Variants in PKHD1L1 observed in about 807,000 individuals in gnomAD.
PKHD1L1 encodes the protein PKHD1 like 1.
PKHD1L1 carries 434 observed loss-of-function variants against 462.9 expected under a neutral mutation model. That is an observed-to-expected ratio of 0.94 (90% confidence interval 0.87 to 1.02). The LOEUF (loss-of-function observed/expected upper bound fraction) is 1.02. Ranked by LOEUF, PKHD1L1 falls within the 50% of genes least tolerant of loss-of-function variation. The pLI is 0.00. For missense variants in PKHD1L1, 5,202 were observed against 5,096.1 expected, an observed-to-expected ratio of 1.02 and a Z score of -0.63; for synonymous variants, 1,781 against 1,750.0, an observed-to-expected ratio of 1.02 and a Z score of -0.44.
At chr8:109,438,859 G>C in intron 31 of PKHD1L1, 38 bp from the exon 32 acceptor site, 2 of 1,437,644 alleles carry the variant, frequency 1.4e-6, no homozygotes, top group South Asian at 1.3e-5. Flanking sequence ...ATAACAAGTT[G>C]AACTTTTTGC....
At chr8:109,415,297 T>C (rs546205040) in intron 21 of PKHD1L1, among the ~76,000 whole-genome samples, 6 of 152,138 alleles carry the variant, frequency 3.9e-5, no homozygotes, top group South Asian at 2.1e-4. Flanking sequence ...TGAGACACCA[T>C]GCCTGGCCCC....
intron 38 of PKHD1L1, among the ~76,000 whole-genome samples, chr8:109,447,592 A>T (rs1563554416): frequency 6.6e-6 from 1 of 152,240 alleles, no homozygotes; most frequent in African/African-American, 2.4e-5. Context: ...TAACATCAAC[A>T]TTCACCTACA....
chr8:109,513,836 C>T (rs557393461), intron 71 of PKHD1L1, among the ~76,000 whole-genome samples: 15 of 152,262 alleles, frequency 9.9e-5, no homozygotes, highest in African/African-American at 3.6e-4. Context: ...ACCTCCACTG[C>T]TACTATCCAG....
At chr8:109,431,037 A>T (rs1815069528) in intron 27 of PKHD1L1, among the ~76,000 whole-genome samples, 1 of 148,984 alleles carries the variant, frequency 6.7e-6, no homozygotes. Flanking sequence ...GTGCGATCTC[A>T]GCTCACTGCA....
intron 2 of PKHD1L1, among the ~76,000 whole-genome samples, chr8:109,376,649 C>CT (rs778018976): frequency 4.3e-4 from 65 of 152,150 alleles, no homozygotes; most frequent in Non-Finnish European, 8.4e-4. Flanking sequence ...CTCCACCCCC[C>CT]AAATCTCAGG....
At chr8:109,485,462 G>T (rs1026166062) in intron 58 of PKHD1L1, among the ~76,000 whole-genome samples, 2 of 151,906 alleles carry the variant, frequency 1.3e-5, no homozygotes, top group Non-Finnish European at 2.9e-5. Flanking sequence ...GGTGATTCTT[G>T]TGCACGCTGA....
intron 52 of PKHD1L1, 105 bp downstream of exon 52, chr8:109,476,772 G>C (rs1475726496): frequency 4.1e-6 from 4 of 971,144 alleles, no homozygotes; most frequent in Non-Finnish European, 4.4e-6. Flanking sequence ...AATATATACA[G>C]GATCCAATAA....
At position 109,530,277 on chromosome 8, in the gene PKHD1L1, T is replaced by A. The variant is rs1821006583; in HGVS notation, c.*187T>A. On this transcript the variant is annotated 3_prime_UTR_variant, in exon 78 of 78. Coordinates refer to ENST00000378402, the MANE Select transcript of PKHD1L1 (RefSeq NM_177531.6). ...CTTCAAAATATAAATTTGTTTTGAT[T>A]CTTTATATTTATATGTTTTTATTTC... The A allele has an allele frequency of 3.1e-6, 1 of 322,344 alleles. No homozygotes were observed. The highest frequency in any genetic ancestry group is 5.3e-5 in the Admixed American group (1 of 18,912). The allele number at this position is 322,344 out of a possible 1,614,324, so 20.0% of individuals were successfully genotyped here.
chr8:109,486,919 T>G, intron 59 of PKHD1L1, 98 bp downstream of exon 59: 1 of 1,264,324 alleles, frequency 7.9e-7, no homozygotes, highest in Non-Finnish European at 1.1e-6. Context: ...TTAATAAGAT[T>G]ATGTGGGAAA....
chr8:109,517,647 A>G (rs1673413), intron 72 of PKHD1L1, among the ~76,000 whole-genome samples: 36,088 of 152,062 alleles, frequency 0.24, 4,979 homozygotes, highest in African/African-American at 0.34. Flanking sequence ...TAGTTGGTAT[A>G]AGATTCTTCT....
chr8:109,482,929 C>T, intron 56 of PKHD1L1, 58 bp from the exon 57 acceptor site: 1 of 1,000,332 alleles, frequency 1.0e-6, no homozygotes, highest in Middle Eastern at 2.2e-4. Context: ...TCATTTTATA[C>T]TAGCACCTAA....
At chr8:109,399,472 G>A (rs1489611574) in intron 12 of PKHD1L1, among the ~76,000 whole-genome samples, 2 of 152,016 alleles carry the variant, frequency 1.3e-5, no homozygotes, top group South Asian at 2.1e-4. Flanking sequence ...TAATCACAGG[G>A]TTTATTCTGG....
chr8:109,498,062 T>G (rs894899866), intron 65 of PKHD1L1, among the ~76,000 whole-genome samples: 35 of 151,952 alleles, frequency 2.3e-4, no homozygotes, highest in Non-Finnish European at 4.4e-4. Flanking sequence ...ACAGTAGAAT[T>G]TAGTACTATT....
intron 2 of PKHD1L1, among the ~76,000 whole-genome samples, chr8:109,375,358 C>T (rs1242657820): frequency 3.9e-5 from 6 of 152,268 alleles, no homozygotes; most frequent in Admixed American, 3.9e-4. Context: ...CCATCAGGTC[C>T]TTTAAGGACT....
intron 39 of PKHD1L1, 107 bp downstream of exon 39, chr8:109,448,498 T>C: frequency 1.6e-6 from 2 of 1,224,864 alleles, no homozygotes; most frequent in Non-Finnish European, 2.1e-6. Context: ...AAATTTCTAG[T>C]GTTTTTTTTG....
At position 109,533,981 on chromosome 8, in the gene PKHD1L1, G is replaced by T. The variant is rs1232141684; in HGVS notation, c.*3891G>T. Among the ~76,000 whole-genome samples the T allele has an allele frequency of 6.6e-6, 1 of 152,192 alleles. No homozygotes were observed. The highest frequency in any genetic ancestry group is 2.4e-5 in the African/African-American group (1 of 41,438). Reference sequence around the variant, plus strand: ...CTATACCAGCCCTTGCTCCTTTAGGGTTTCATTGTTATTTGGTGGTTATCC... The same window carrying T: ...CTATACCAGCCCTTGCTCCTTTAGGTTTTCATTGTTATTTGGTGGTTATCC... On this transcript the variant is annotated 3_prime_UTR_variant, in exon 78 of 78. Coordinates refer to ENST00000378402, the MANE Select transcript of PKHD1L1 (RefSeq NM_177531.6).
chr8:109,368,211 G>C (rs576188628), intron 2 of PKHD1L1, among the ~76,000 whole-genome samples: 1 of 151,982 alleles, frequency 6.6e-6, no homozygotes, highest in South Asian at 2.1e-4. Flanking sequence ...TTTACTTTTG[G>C]CTCCTTTTTC....
intron 2 of PKHD1L1, among the ~76,000 whole-genome samples, chr8:109,376,643 A>AC (rs1196685931): frequency 3.3e-5 from 5 of 151,766 alleles, no homozygotes; most frequent in East Asian, 1.9e-4. Context: ...TCTTGACTCC[A>AC]CCCCCCAAAT....
intron 17 of PKHD1L1, 68 bp downstream of exon 17, chr8:109,406,546 C>A: frequency 7.8e-6 from 11 of 1,414,236 alleles, no homozygotes; most frequent in South Asian, 6.5e-5. Context: ...TCTAAAAGTT[C>A]CATAAGATGA....
Sources: allele counts gnomAD v4.1 joint callset (sites outside exome capture counted in the v4.1 genomes callset), GRCh38; gene constraint gnomAD v4.1.1; transcripts MANE v1.5; gene names NCBI Gene and HGNC (gene_info 2026-07-23, HGNC 2026-07-21).